The following TMEM232 variants were observed in gnomAD, a reference collection of about 807,000 sequenced individuals.
The protein encoded by TMEM232 is transmembrane protein 232.
Under a neutral mutation model 78.8 loss-of-function variants are expected in TMEM232, and 80 were observed. The observed-to-expected ratio is 1.01, with a 90% CI of 0.85 to 1.22. The LOEUF (loss-of-function observed/expected upper bound fraction) is 1.22. Among genes scored for constraint, TMEM232 ranks in the 50% most tolerant of loss-of-function variants. The pLI is 0.00. For missense variants in TMEM232, 881 were observed against 742.2 expected, an observed-to-expected ratio of 1.19 and a Z score of -2.17; for synonymous variants, 297 against 254.3, an observed-to-expected ratio of 1.17 and a Z score of -1.60.
At chr5:110,463,831 A>G (rs1761794189) in intron 12 of TMEM232, among the ~76,000 whole-genome samples, 2 of 152,106 alleles carry the variant, frequency 1.3e-5, no homozygotes, top group Non-Finnish European at 2.9e-5. Context: ...CCTACATAAG[A>G]CCACCCACCT....
intron 1 of TMEM232, among the ~76,000 whole-genome samples, chr5:110,737,135 G>C (rs1214753370): frequency 1.3e-5 from 2 of 151,700 alleles, no homozygotes; most frequent in Non-Finnish European, 2.9e-5. Context: ...TAGAATGTCA[G>C]TTCTAACAAT....
chr5:110,496,987 C>T (rs991576096), intron 12 of TMEM232, among the ~76,000 whole-genome samples: 1 of 151,822 alleles, frequency 6.6e-6, no homozygotes, highest in Admixed American at 6.6e-5. Context: ...AATTAAATTC[C>T]TAGGATCTGG....
intron 12 of TMEM232, among the ~76,000 whole-genome samples, chr5:110,518,468 TC>T (rs1318293630): frequency 7.9e-5 from 12 of 152,328 alleles, no homozygotes; most frequent in African/African-American, 2.9e-4. Context: ...TTTCATTGTA[TC>T]TTGATTGTGT....
chr5:110,630,145 T>G (rs969864300), intron 5 of TMEM232, among the ~76,000 whole-genome samples: 6 of 152,200 alleles, frequency 3.9e-5, no homozygotes, highest in African/African-American at 1.4e-4. Context: ...TTGCCTGGAT[T>G]CAAAGTACTT....
rs987992214 is a variant in TMEM232, at chr5:110,693,812, C to A, written c.-12-26448G>T. 2.6e-5 allele frequency among the ~76,000 whole-genome samples: 4 copies of A among 152,114 alleles called. No homozygotes were observed. In the East Asian group the frequency reaches 5.8e-4, roughly 22 times the overall value. On this transcript the variant is annotated intron_variant, in intron 1 of 13. Coordinates refer to ENST00000455884, the MANE Select transcript of TMEM232 (RefSeq NM_001039763.4). ...AGAAATATGGGACTATGTGAAAAGA[C>A]CAAATCTACGTCTGATTGGTGTACC...
At chr5:110,450,964 C>G (rs1444313127) in intron 12 of TMEM232, among the ~76,000 whole-genome samples, 1 of 152,062 alleles carries the variant, frequency 6.6e-6, no homozygotes, top group Non-Finnish European at 1.5e-5. Flanking sequence ...GACAGTGGAG[C>G]TACTGTCCTC....
At chr5:110,401,280 A>ATTTTTTTTTTTTTT (rs1422281540) in intron 2 of TMEM232, among the ~76,000 whole-genome samples, 1 of 143,588 alleles carries the variant, frequency 7.0e-6, no homozygotes, top group African/African-American at 3.0e-5. Flanking sequence ...CAGACACAAC[A>ATTTTTTTTTTTTTT]TTCTTTTTTT....
chr5:110,615,154 T>C (rs1355800882), intron 8 of TMEM232, among the ~76,000 whole-genome samples: 1 of 151,988 alleles, frequency 6.6e-6, no homozygotes, highest in Non-Finnish European at 1.5e-5. Flanking sequence ...CAAAATTCTT[T>C]ACTTAATCTG....
At chr5:110,711,587 A>C (rs1372279703) in intron 1 of TMEM232, among the ~76,000 whole-genome samples, 1 of 152,186 alleles carries the variant, frequency 6.6e-6, no homozygotes, top group Non-Finnish European at 1.5e-5. Context: ...AAAAACAGAC[A>C]CATAGACCAA....
intron 11 of TMEM232, among the ~76,000 whole-genome samples, chr5:110,541,202 C>T (rs192250632): frequency 6.6e-6 from 1 of 152,114 alleles, no homozygotes; most frequent in African/African-American, 2.4e-5. Context: ...CTTCACTGGG[C>T]CTAACTTAGC....
intron 1 of TMEM232, among the ~76,000 whole-genome samples, chr5:110,668,382 A>C (rs971871146): frequency 6.6e-6 from 1 of 152,156 alleles, no homozygotes; most frequent in Non-Finnish European, 1.5e-5. Flanking sequence ...CCTGGAGGAT[A>C]GAAACTCCAA....
chr5:110,565,993 A>G (rs999257951), intron 11 of TMEM232, among the ~76,000 whole-genome samples: 1 of 151,814 alleles, frequency 6.6e-6, no homozygotes, highest in Admixed American at 6.6e-5. Context: ...TGATCCTTTT[A>G]TAATCATTTT....
chr5:110,542,225 C>A (rs1214232622), intron 11 of TMEM232, among the ~76,000 whole-genome samples: 2 of 152,154 alleles, frequency 1.3e-5, no homozygotes, highest in African/African-American at 4.8e-5. Flanking sequence ...TTACTGTAGG[C>A]TGGATAATAG....
At chr5:110,406,030 C>G (rs1254993563) in intron 2 of TMEM232, among the ~76,000 whole-genome samples, 2 of 151,680 alleles carry the variant, frequency 1.3e-5, no homozygotes, top group East Asian at 3.9e-4. Flanking sequence ...CAGGGGAAAA[C>G]AGAAACATTA....
intron 10 of TMEM232, among the ~76,000 whole-genome samples, chr5:110,577,150 C>A (rs1777660351): frequency 6.6e-6 from 1 of 151,808 alleles, no homozygotes; most frequent in African/African-American, 2.4e-5. Flanking sequence ...ATCTAACATG[C>A]AGCAACTATA....
At chr5:110,541,314 C>T (rs552552550) in intron 11 of TMEM232, among the ~76,000 whole-genome samples, 2 of 152,148 alleles carry the variant, frequency 1.3e-5, no homozygotes, top group African/African-American at 4.8e-5. Flanking sequence ...AGGAGAGGAG[C>T]TTATCCAGGG....
At chr5:110,515,393 G>A (rs1182318328) in intron 12 of TMEM232, among the ~76,000 whole-genome samples, 2 of 152,124 alleles carry the variant, frequency 1.3e-5, no homozygotes, top group African/African-American at 4.8e-5. Flanking sequence ...TCCAGGTTCT[G>A]GGCAGCTGGC....
chr5:110,490,352 T>C (rs775140604), intron 12 of TMEM232, among the ~76,000 whole-genome samples: 7 of 152,062 alleles, frequency 4.6e-5, no homozygotes, highest in Non-Finnish European at 8.8e-5. Context: ...CAGAATATCA[T>C]TGAAAGGGAT....
chr5:110,632,081 C>T (rs971904335), intron 5 of TMEM232, among the ~76,000 whole-genome samples: 2 of 152,004 alleles, frequency 1.3e-5, no homozygotes, highest in African/African-American at 4.8e-5. Flanking sequence ...AAAACTTCAC[C>T]GTAGCCTCCA....
Sources: gnomAD v4.1 joint callset for allele counts (sites outside exome capture counted in the v4.1 genomes callset) on GRCh38, gnomAD v4.1.1 for gene constraint, MANE v1.5 for transcripts, NCBI Gene and HGNC (gene_info 2026-07-23, HGNC 2026-07-21) for gene names.